RASA2: variants seen among roughly 807,000 people sequenced by gnomAD.
The protein encoded by RASA2 is ras GTPase-activating protein 2.
RASA2 carries 155 observed loss-of-function variants against 118.2 expected under a neutral mutation model. That is an observed-to-expected ratio of 1.31 (90% CI 1.15 to 1.50). The LOEUF (loss-of-function observed/expected upper bound fraction) is 1.50, where lower values mean the gene tolerates loss of function less well. RASA2 is among the 40% of genes most tolerant of loss of function. The pLI is 0.00. For missense variants in RASA2, 1,016 were observed against 1,009.6 expected (o/e 1.01, Z -0.09); for synonymous variants, 353 against 349.1 (o/e 1.01, Z -0.12).
At chr3:141,492,847 T>A (rs569827600) in intron 1 of RASA2, among the ~76,000 whole-genome samples, 1 of 152,238 alleles carries the variant, frequency 6.6e-6, no homozygotes, top group Non-Finnish European at 1.5e-5. Flanking sequence ...ACGTAATACA[T>A]ATCGAAGGGT....
At chr3:141,585,882 G>T in intron 17 of RASA2, 143 bp from the exon 18 acceptor site, 1 of 483,224 alleles carries the variant, frequency 2.1e-6, no homozygotes, top group South Asian at 4.4e-5. Flanking sequence ...AATTAAATAT[G>T]TGTTTTGTTT....
intron 1 of RASA2, among the ~76,000 whole-genome samples, chr3:141,497,871 CAAA>C (rs759777505): frequency 3.9e-5 from 4 of 102,748 alleles, no homozygotes; most frequent in African/African-American, 3.6e-5. Context: ...GACCCTGTCT[CAAA>C]AAAAAAAAAA....
chr3:141,520,622 A>G (rs1435815895), intron 3 of RASA2, among the ~76,000 whole-genome samples: 1 of 150,338 alleles, frequency 6.7e-6, no homozygotes, highest in Non-Finnish European at 1.5e-5. Context: ...ATTATATGAT[A>G]TACAGTTATA....
intron 19 of RASA2, among the ~76,000 whole-genome samples, chr3:141,602,289 G>A (rs2083476305): frequency 6.6e-6 from 1 of 152,146 alleles, no homozygotes; most frequent in Non-Finnish European, 1.5e-5. Context: ...ACTGGTGGGG[G>A]GTCATGTATT....
intron 4 of RASA2, among the ~76,000 whole-genome samples, chr3:141,537,452 T>C (rs1002278125): frequency 6.6e-6 from 1 of 152,192 alleles, no homozygotes; most frequent in African/African-American, 2.4e-5. Flanking sequence ...GGATTTTTCA[T>C]TTTGTTTTAT....
intron 2 of RASA2, among the ~76,000 whole-genome samples, chr3:141,513,065 G>GAAAAAAAAA (rs771710205): frequency 9.0e-6 from 1 of 110,582 alleles, no homozygotes; most frequent in African/African-American, 3.5e-5. Flanking sequence ...CTCCATCTCA[G>GAAAAAAAAA]AAAAAAAAAA....
intron 1 of RASA2, among the ~76,000 whole-genome samples, chr3:141,490,712 T>C (rs2081630292): frequency 6.6e-6 from 1 of 152,206 alleles, no homozygotes; most frequent in Non-Finnish European, 1.5e-5. Flanking sequence ...GGAAGATCTA[T>C]AGGGTATGGT....
chr3:141,495,913 T>G (rs1031085662), intron 1 of RASA2, among the ~76,000 whole-genome samples: 4 of 152,248 alleles, frequency 2.6e-5, no homozygotes, highest in Admixed American at 6.5e-5. Flanking sequence ...AACTCCAGGA[T>G]GTCTTGTTGG....
intron 19 of RASA2, among the ~76,000 whole-genome samples, chr3:141,587,412 G>T (rs542665507): frequency 3.3e-5 from 5 of 152,210 alleles, no homozygotes; most frequent in African/African-American, 1.2e-4. Flanking sequence ...TATTCCGTTG[G>T]GTTAATTTTC....
At position 141,543,952 on chromosome 3, in the gene RASA2, T is replaced by A. The variant is rs547701257; in HGVS notation, c.527+3343T>A. Among the ~76,000 whole-genome samples, 4 of 146,748 alleles carry A rather than the reference T, an allele frequency of 2.7e-5. No homozygotes were observed. The East Asian group carries it at 8.1e-4, about 30-fold the overall frequency. On this transcript the variant is annotated intron_variant, in intron 5 of 23. Coordinates refer to ENST00000286364, the MANE Select transcript of RASA2 (RefSeq NM_006506.5). ...GTGCATTGGTGTGATCTCAGCTCACTGCAACCTCTGCCTCCCGGATTCAAG... is the reference window on the plus strand; with the variant it reads ...GTGCATTGGTGTGATCTCAGCTCACAGCAACCTCTGCCTCCCGGATTCAAG...
intron 1 of RASA2, among the ~76,000 whole-genome samples, chr3:141,495,820 G>A (rs776575880): frequency 7.2e-5 from 11 of 152,044 alleles, no homozygotes; most frequent in Middle Eastern, 3.2e-3. Context: ...AATGTACATC[G>A]GTAGGAAAAT....
At chr3:141,521,587 T>C (rs2082111831) in intron 3 of RASA2, among the ~76,000 whole-genome samples, 1 of 152,206 alleles carries the variant, frequency 6.6e-6, no homozygotes. Context: ...AGAAGTTGCC[T>C]TTGTTTTTTG....
intron 1 of RASA2, among the ~76,000 whole-genome samples, chr3:141,496,553 C>T (rs1253120636): frequency 6.6e-6 from 1 of 152,198 alleles, no homozygotes; most frequent in African/African-American, 2.4e-5. Context: ...AGCCAACAGA[C>T]ATATGAAATA....
chr3:141,568,572 T>G (rs920587468), intron 9 of RASA2, among the ~76,000 whole-genome samples: 1 of 152,048 alleles, frequency 6.6e-6, no homozygotes, highest in Non-Finnish European at 1.5e-5. Context: ...TGACATTGTT[T>G]ATATATGTAT....
At chr3:141,593,570 G>A (rs1377658112) in intron 19 of RASA2, among the ~76,000 whole-genome samples, 3 of 152,176 alleles carry the variant, frequency 2.0e-5, no homozygotes, top group African/African-American at 7.2e-5. Context: ...AACCGCTAAT[G>A]CAAGAGGGAC....
At chr3:141,535,241 T>C (rs1033972885) in intron 4 of RASA2, among the ~76,000 whole-genome samples, 1 of 152,232 alleles carries the variant, frequency 6.6e-6, no homozygotes, top group Admixed American at 6.5e-5. Flanking sequence ...CAATATAGTA[T>C]AAATGTAACT....
Position 141,553,919 on chromosome 3 carries a change from T to G in RASA2, c.590T>G (p.Val197Gly). Residue 197 changes from valine (V) to glycine (G), a missense_variant, in exon 6 of 24, where the codon GTT (valine) becomes GGT (glycine). Val to Gly is a moderately radical substitution (Grantham distance 109, BLOSUM62 -3). Transcript: ENST00000286364. Reference protein sequence around the residue: ...NGQSCDPYATVSLVGPSRNDQ... With the variant: ...NGQSCDPYATGSLVGPSRNDQ... ...CAAAGCTGTGACCCTTATGCAACAG[T>G]TTCTCTAGTGGGCCCTTCTAGGTAA... 1 of 1,612,322 alleles carries G rather than the reference T, an allele frequency of 6.2e-7. No homozygotes were observed. Among genetic ancestry groups the G allele is most frequent in the Non-Finnish European group, 8.5e-7 (1 of 1,178,956 alleles).
chr3:141,516,586 A>C (rs1467385803), intron 3 of RASA2, among the ~76,000 whole-genome samples, 155 bp downstream of exon 3: 1 of 151,982 alleles, frequency 6.6e-6, no homozygotes, highest in Non-Finnish European at 1.5e-5. Flanking sequence ...TTCATTTTTA[A>C]TTTGTATGTT....
At chr3:141,579,697 A>G (rs1020522431) in intron 15 of RASA2, among the ~76,000 whole-genome samples, 1 of 152,206 alleles carries the variant, frequency 6.6e-6, no homozygotes, top group African/African-American at 2.4e-5. Flanking sequence ...AGAAGTGACT[A>G]TAATTTGCCA....
Sources: gnomAD v4.1 joint callset for allele counts (sites outside exome capture counted in the v4.1 genomes callset) on GRCh38, gnomAD v4.1.1 for gene constraint, MANE v1.5 for transcripts, NCBI Gene and HGNC (gene_info 2026-07-23, HGNC 2026-07-21) for gene names.